ARHGAP24: variants seen among roughly 807,000 people sequenced by gnomAD.
The protein encoded by ARHGAP24 is rho GTPase-activating protein 24.
In ARHGAP24, 50 loss-of-function variants were observed where a neutral mutation model predicts 76.4. That is an observed-to-expected ratio of 0.65 (90% CI 0.52 to 0.83). The LOEUF (loss-of-function observed/expected upper bound fraction) is 0.83. Ranked by LOEUF, ARHGAP24 falls within the 40% of genes least tolerant of loss-of-function variation. The pLI is 0.00. For missense variants in ARHGAP24, 930 were observed against 914.2 expected (o/e 1.02, Z -0.22); for synonymous variants, 345 against 323.3 (o/e 1.07, Z -0.72).
intron 2 of ARHGAP24, among the ~76,000 whole-genome samples, chr4:85,653,329 AG>A (rs916864053): frequency 9.6e-4 from 146 of 152,318 alleles, no homozygotes; most frequent in African/African-American, 3.4e-3. Context: ...ATTTGGTAAA[AG>A]GGCCTAAAGA....
intron 2 of ARHGAP24, among the ~76,000 whole-genome samples, chr4:85,573,111 A>G (rs1001952139): frequency 6.6e-6 from 1 of 152,136 alleles, no homozygotes; most frequent in African/African-American, 2.4e-5. Flanking sequence ...TCCTGACCTC[A>G]GATGATCCAC....
chr4:85,640,306 A>G (rs1404523789), intron 2 of ARHGAP24, among the ~76,000 whole-genome samples: 2 of 150,414 alleles, frequency 1.3e-5, no homozygotes, highest in Non-Finnish European at 2.9e-5. Flanking sequence ...TGGAAATCAT[A>G]ATAAAGACTT....
chr4:85,745,133 G>A (rs1011823044), intron 3 of ARHGAP24, among the ~76,000 whole-genome samples: 3 of 151,902 alleles, frequency 2.0e-5, no homozygotes, highest in African/African-American at 7.3e-5. Flanking sequence ...GTGAAAAGGA[G>A]AGAAGCTTAT....
At chr4:85,726,759 T>G (rs1725183579) in intron 3 of ARHGAP24, among the ~76,000 whole-genome samples, 1 of 152,220 alleles carries the variant, frequency 6.6e-6, no homozygotes, top group East Asian at 1.9e-4. Context: ...CCAGGCTGTT[T>G]GCACGTATCG....
intron 2 of ARHGAP24, among the ~76,000 whole-genome samples, chr4:85,576,293 G>A (rs1295631845): frequency 3.3e-5 from 5 of 152,130 alleles, no homozygotes; most frequent in African/African-American, 9.7e-5. Context: ...AGCCGGGCAT[G>A]GTGGCGGGCG....
At chr4:85,501,459 A>G (rs1032853648) in intron 1 of ARHGAP24, among the ~76,000 whole-genome samples, 1 of 152,098 alleles carries the variant, frequency 6.6e-6, no homozygotes, top group Non-Finnish European at 1.5e-5. Flanking sequence ...TTTGATTTGC[A>G]TTTCTCTGAT....
intron 3 of ARHGAP24, among the ~76,000 whole-genome samples, chr4:85,919,145 T>A (rs1735580277): frequency 6.6e-6 from 1 of 152,122 alleles, no homozygotes; most frequent in Non-Finnish European, 1.5e-5. Context: ...CTTTTAAAAA[T>A]TTCACCTCTT....
chr4:85,803,602 T>A (rs1048086973), intron 3 of ARHGAP24, among the ~76,000 whole-genome samples: 1 of 152,246 alleles, frequency 6.6e-6, no homozygotes, highest in Non-Finnish European at 1.5e-5. Context: ...CAAAATCTTT[T>A]AAAATATTGA....
At chr4:85,657,985 C>T (rs1722235530) in intron 2 of ARHGAP24, among the ~76,000 whole-genome samples, 1 of 152,154 alleles carries the variant, frequency 6.6e-6, no homozygotes, top group Admixed American at 6.5e-5. Flanking sequence ...AAATTCCTGG[C>T]CTCAAGTGAT....
intron 3 of ARHGAP24, among the ~76,000 whole-genome samples, chr4:85,913,936 T>A (rs1735223310): frequency 6.6e-6 from 1 of 152,228 alleles, no homozygotes; most frequent in Non-Finnish European, 1.5e-5. Context: ...AATGTCCTAT[T>A]TAACTCATCA....
intron 3 of ARHGAP24, among the ~76,000 whole-genome samples, chr4:85,902,322 A>G (rs1734542006): frequency 6.6e-6 from 1 of 152,200 alleles, no homozygotes; most frequent in Non-Finnish European, 1.5e-5. Flanking sequence ...GCAGACTAAC[A>G]ACTAGAGCCT....
Position 85,643,234 on chromosome 4 carries a change from G to GTTTTTTTTTT in ARHGAP24, c.180+72539_180+72548dup, listed in dbSNP as rs70948741. On this transcript the variant is annotated intron_variant, in intron 2 of 9. Transcript: ENST00000395184. The stretch of plus-strand genomic sequence containing the variant: ...TCTTTTTTATTTTCCGTTTTTTTGT[G>GTTTTTTTTTT]TTTTTTTTTTTTTTTTTTTTTTTTT... Among the ~76,000 whole-genome samples the GTTTTTTTTTT allele has an allele frequency of 4.2e-4, 23 of 54,628 alleles. 1 individual carries two copies. The highest frequency in any genetic ancestry group is 1.3e-3 in the South Asian group (1 of 768). The allele number at this position is 54,628 out of a possible 152,430, so 35.8% of individuals were successfully genotyped here. A position where few individuals can be genotyped will look rare whatever the true frequency, so the allele number is the denominator to read the frequency against.
intron 3 of ARHGAP24, among the ~76,000 whole-genome samples, chr4:85,792,898 T>G (rs1365351873): frequency 1.3e-5 from 2 of 152,156 alleles, no homozygotes; most frequent in South Asian, 4.1e-4. Flanking sequence ...ATTATTTAAT[T>G]AGGCTCAAAA....
At chr4:85,565,791 C>T (rs1303963373) in intron 1 of ARHGAP24, among the ~76,000 whole-genome samples, 2 of 152,170 alleles carry the variant, frequency 1.3e-5, no homozygotes, top group African/African-American at 4.8e-5. Context: ...TCTTTATTTA[C>T]ATCCTTGTTT....
At chr4:85,957,094 G>A (rs1053171561) in intron 5 of ARHGAP24, among the ~76,000 whole-genome samples, 5 of 152,158 alleles carry the variant, frequency 3.3e-5, no homozygotes, top group Admixed American at 6.5e-5. Flanking sequence ...GAGCTAAGTT[G>A]CAAGCCGCTT....
At chr4:85,894,100 A>AC (rs1734001791) in intron 3 of ARHGAP24, among the ~76,000 whole-genome samples, 1 of 10,420 alleles carries the variant, frequency 9.6e-5, no homozygotes, top group Non-Finnish European at 4.4e-4. Context: ...AGAGTATAAT[A>AC]AAAAAAAAAA....
intron 1 of ARHGAP24, among the ~76,000 whole-genome samples, chr4:85,523,774 G>A (rs1553912273): frequency 6.6e-6 from 1 of 151,892 alleles, no homozygotes; most frequent in Non-Finnish European, 1.5e-5. Context: ...CCTTATAGGC[G>A]AGTTGGAAGG....
intron 3 of ARHGAP24, among the ~76,000 whole-genome samples, chr4:85,816,226 C>A (rs1729231110): frequency 6.6e-6 from 1 of 152,184 alleles, no homozygotes; most frequent in Non-Finnish European, 1.5e-5. Flanking sequence ...TCAATATAGT[C>A]ATCATGCTGT....
At chr4:85,494,357 A>G (rs1723473987) in intron 1 of ARHGAP24, among the ~76,000 whole-genome samples, 1 of 151,956 alleles carries the variant, frequency 6.6e-6, no homozygotes, top group Non-Finnish European at 1.5e-5. Flanking sequence ...CCACTTAATG[A>G]GTGAGAACAT....
Sources: allele counts gnomAD v4.1 joint callset (sites outside exome capture counted in the v4.1 genomes callset), GRCh38; gene constraint gnomAD v4.1.1; transcripts MANE v1.5; gene names NCBI Gene and HGNC (gene_info 2026-07-23, HGNC 2026-07-21).